Variants in DKK4 observed in about 807,000 individuals in gnomAD.
DKK4 encodes the protein dickkopf-related protein 4.
DKK4 carries 15 observed loss-of-function variants against 14.5 expected under a neutral mutation model. The ratio of observed to expected loss-of-function variants is 1.03; its 90% confidence interval spans 0.69 to 1.59. The LOEUF (loss-of-function observed/expected upper bound fraction) is 1.59. DKK4 is among the 40% of genes most tolerant of loss of function. DKK4 has a pLI of 0.00. For synonymous variants in DKK4, 89 were observed against 105.2 expected, an observed-to-expected ratio of 0.85 and a Z score of 0.94; for missense variants, 272 against 280.3, an observed-to-expected ratio of 0.97 and a Z score of 0.21.
the DKK4 span, among the ~76,000 whole-genome samples, chr8:42,385,625 C>T: frequency 6.6e-6 from 1 of 151,974 alleles, no homozygotes; most frequent in African/African-American, 2.4e-5. Flanking sequence ...CTCCTTGCTC[C>T]CCCTTGTGGC....
the DKK4 span, among the ~76,000 whole-genome samples, chr8:42,387,216 T>TATC: frequency 0.076 from 11,557 of 152,140 alleles, 764 homozygotes; most frequent in African/African-American, 0.17. Flanking sequence ...TGGGTATTGG[T>TATC]ATCAGGATTT....
chr8:42,375,004 G>GAGGTGCTGCCAAA, intron 2 of DKK4, 91 bp from the exon 3 acceptor site: 3 of 1,332,796 alleles, frequency 2.3e-6, no homozygotes, highest in Non-Finnish European at 3.2e-6. Context: ...TAGTTTGGCA[G>GAGGTGCTGCCAAA]CACCTCTGCC....
upstream of DKK4, among the ~76,000 whole-genome samples, chr8:42,381,578 C>G (rs376313418): frequency 1.3e-5 from 2 of 152,086 alleles, no homozygotes; most frequent in Non-Finnish European, 1.5e-5. Flanking sequence ...GCTTTGGGGC[C>G]GGGCCTGACT....
chr8:42,382,273 A>C, the DKK4 span, among the ~76,000 whole-genome samples: 257 of 152,234 alleles, frequency 1.7e-3, no homozygotes, highest in African/African-American at 6.0e-3. Flanking sequence ...ATATTTTCAG[A>C]TTTCCCAAGG....
At chr8:42,390,622 CA>C in the DKK4 span, among the ~76,000 whole-genome samples, 1 of 152,122 alleles carries the variant, frequency 6.6e-6, no homozygotes, top group Non-Finnish European at 1.5e-5. Flanking sequence ...CTCTGCCTCC[CA>C]AAGTGCTGGG....
Position 42,376,982 on chromosome 8 carries a change from C to G in DKK4, c.64G>C (p.Asp22His), listed in dbSNP as rs780121703. 6.2e-7 allele frequency: 1 copy of G among 1,613,828 alleles called. No individual in the cohort carries two copies. Among genetic ancestry groups the G allele is most frequent in the South Asian group, 1.1e-5 (1 of 91,080 alleles). The change falls in exon 1 of 4, where the codon GAC becomes CAC. Residue 22 changes from aspartate (D) to histidine (H), a missense_variant. Physicochemically the swap from Asp to His is moderately conservative, Grantham distance 81. Coordinates refer to ENST00000220812, the MANE Select transcript of DKK4 (RefSeq NM_014420.3). ...LCSPLGALVL[D>H]FNNIRSSADL... ...GCAGAGCTCCTGATGTTGTTGAAGT[C>G]CAGGACCAGAGCTCCCAGGGGAGAG... is the stretch of plus-strand genomic sequence containing the variant.
At chr8:42,376,589 A>G (rs1478502491) in intron 1 of DKK4, among the ~76,000 whole-genome samples, 1 of 152,100 alleles carries the variant, frequency 6.6e-6, no homozygotes, top group Non-Finnish European at 1.5e-5. Flanking sequence ...TTATTTCCTC[A>G]TCTGGAATTA....
upstream of DKK4, among the ~76,000 whole-genome samples, chr8:42,380,839 AAAAT>A (rs1824666293): frequency 1.3e-5 from 2 of 151,188 alleles, no homozygotes; most frequent in African/African-American, 2.4e-5. Flanking sequence ...AAGGGAGGAA[AAAAT>A]AAATGAAAAA....
chr8:42,378,718 G>C (rs924628167), upstream of DKK4, among the ~76,000 whole-genome samples: 15 of 152,028 alleles, frequency 9.9e-5, no homozygotes, highest in Non-Finnish European at 2.1e-4. Context: ...CGAAAGAACT[G>C]ACGGGAACTC....
intron 1 of DKK4, 132 bp from the exon 2 acceptor site, chr8:42,375,962 T>C: frequency 8.4e-7 from 1 of 1,191,260 alleles, no homozygotes; most frequent in Non-Finnish European, 1.2e-6. Flanking sequence ...AGCATCTTAC[T>C]CTCCAGTGGA....
At chr8:42,384,877 C>T in the DKK4 span, among the ~76,000 whole-genome samples, 1 of 152,182 alleles carries the variant, frequency 6.6e-6, no homozygotes, top group African/African-American at 2.4e-5. Flanking sequence ...CATAAAATCA[C>T]AAGGAACACT....
At chr8:42,390,082 C>T in the DKK4 span, among the ~76,000 whole-genome samples, 1 of 152,092 alleles carries the variant, frequency 6.6e-6, no homozygotes, top group African/African-American at 2.4e-5. Context: ...TTACTAGAGT[C>T]GGAGTTTCAC....
the DKK4 span, among the ~76,000 whole-genome samples, chr8:42,390,258 T>A: frequency 6.6e-6 from 1 of 152,020 alleles, no homozygotes; most frequent in Non-Finnish European, 1.5e-5. Context: ...TCCCCGATTG[T>A]CCCAATAACG....
At chr8:42,378,220 C>T (rs1315152683), upstream of DKK4, among the ~76,000 whole-genome samples, 1 of 152,118 alleles carries the variant, frequency 6.6e-6, no homozygotes, top group Non-Finnish European at 1.5e-5. Context: ...TTTTTCTCTT[C>T]ATTGTTTCAT....
the DKK4 span, among the ~76,000 whole-genome samples, chr8:42,388,304 A>T: frequency 1.3e-5 from 2 of 152,076 alleles, no homozygotes; most frequent in Middle Eastern, 3.4e-3. Flanking sequence ...ATCTCAGCTC[A>T]CTGCAACCTC....
chr8:42,374,113 A>G lies in DKK4; in HGVS notation c.662T>C (p.Ile221Thr), dbSNP rs754117158. ...ATTTTGAAATATTTATAGCTTTTCTATTTTTTGGCATACTCTTAATCGAGC... is the reference window on the plus strand; with the variant it reads ...ATTTTGAAATATTTATAGCTTTTCTGTTTTTTGGCATACTCTTAATCGAGC... ...QHARLRVCQK[I>T]EKL Residue 221 changes from isoleucine (I) to threonine (T), a missense_variant, in exon 4 of 4, where the codon ATA becomes ACA. Transcript: ENST00000220812. 2 of 1,611,450 alleles carry G rather than the reference A, an allele frequency of 1.2e-6. No individual in the cohort carries two copies. The highest frequency in any genetic ancestry group is 1.7e-6 in the Non-Finnish European group (2 of 1,179,794).
Position 42,374,283 on chromosome 8 carries a change from TTTCG to T in DKK4, c.488_491del (p.Thr163LysfsTer43), listed in dbSNP as rs1824506988. On this transcript the variant is annotated frameshift_variant, in exon 4 of 4. Transcript: ENST00000220812. LOFTEE classifies it low-confidence loss of function (END_TRUNC). ...CCTCCAAAAGGACTGGCTTACAAATTTTCGTCCAAAAATGACGAGCACAGCAAAG... is the reference window on the plus strand; with the variant it reads ...CCTCCAAAAGGACTGGCTTACAAATTTCCAAAAATGACGAGCACAGCAAAG... 3.7e-6 allele frequency: 6 copies of T among 1,611,646 alleles called. No individual in the cohort carries two copies. The highest frequency in any genetic ancestry group is 1.3e-5 in the African/African-American group (1 of 74,576).
At position 42,377,109 on chromosome 8, in the gene DKK4, C is replaced by T; in HGVS notation, c.-64G>A. ...GCGTCACCAAAGCGAGGCTGCTCTC[C>T]ACCCAGAGCAGAGCTTCCACTAAGC... is the stretch of plus-strand genomic sequence containing the variant. On this transcript the variant is annotated 5_prime_UTR_variant, in exon 1 of 4. Coordinates refer to ENST00000220812, the MANE Select transcript of DKK4 (RefSeq NM_014420.3). 7.3e-7 allele frequency: 1 copy of T among 1,360,552 alleles called. No homozygotes were observed. The highest frequency in any genetic ancestry group is 1.0e-6 in the Non-Finnish European group (1 of 976,724). The allele number at this position is 1,360,552 out of a possible 1,614,324, so 84.3% of individuals were successfully genotyped here. A position where few individuals can be genotyped will look rare whatever the true frequency, so the allele number is the denominator to read the frequency against.
the DKK4 span, among the ~76,000 whole-genome samples, chr8:42,387,574 G>A: frequency 9.2e-5 from 14 of 152,018 alleles, no homozygotes; most frequent in East Asian, 1.9e-3. Context: ...TGGCCAAGCT[G>A]GTCTCAAACT....
Sources: allele counts gnomAD v4.1 joint callset (sites outside exome capture counted in the v4.1 genomes callset), GRCh38; gene constraint gnomAD v4.1.1; transcripts MANE v1.5; gene names NCBI Gene and HGNC (gene_info 2026-07-23, HGNC 2026-07-21).